Variants in ZCRB1 observed in about 807,000 individuals in gnomAD.
The protein encoded by ZCRB1 is zinc finger CCHC-type and RNA binding motif containing 1, also known as zinc finger CCHC-type and RNA-binding motif-containing protein 1.
A neutral mutation model predicts 29.9 loss-of-function variants in ZCRB1; 21 were observed. The ratio of observed to expected loss-of-function variants is 0.70; its 90% CI spans 0.50 to 1.01. The LOEUF is 1.01. Ranked by LOEUF, ZCRB1 falls within the 50% of genes least tolerant of loss-of-function variation. The pLI, the probability that ZCRB1 is intolerant of heterozygous loss-of-function variation, is 0.00. For synonymous variants in ZCRB1, 77 were observed against 80.0 expected (o/e 0.96, Z 0.20); for missense variants, 204 against 253.3 (o/e 0.81, Z 1.32).
chr12:42,321,221 C>T (rs1189096192), intron 3 of ZCRB1, among the ~76,000 whole-genome samples: 1 of 152,130 alleles, frequency 6.6e-6, no homozygotes, highest in Non-Finnish European at 1.5e-5. Context: ...ATTGCAGTTT[C>T]ATGGTTTAGG....
At chr12:42,318,598 C>T (rs2137530876) in intron 3 of ZCRB1, among the ~76,000 whole-genome samples, 1 of 152,288 alleles carries the variant, frequency 6.6e-6, no homozygotes, top group Middle Eastern at 3.4e-3. Context: ...GTCATGGAGG[C>T]CCTTGCCCAC....
At chr12:42,317,689 T>C (rs1592102653) in intron 4 of ZCRB1, 98 bp downstream of exon 4, 4 of 1,029,606 alleles carry the variant, frequency 3.9e-6, no homozygotes, top group Non-Finnish European at 4.4e-6. Context: ...TCTACTGATA[T>C]CTGCTAGACC....
At chr12:42,320,645 T>G (rs148486203) in intron 3 of ZCRB1, among the ~76,000 whole-genome samples, 2,443 of 151,938 alleles carry the variant, frequency 0.016, 73 homozygotes, top group African/African-American at 0.056. Context: ...ATGGGGTTTC[T>G]CCATGTTGGC....
chr12:42,314,013 G>T (rs751485391), intron 5 of ZCRB1, 27 bp from the exon 6 acceptor site: 5 of 1,569,752 alleles, frequency 3.2e-6, no homozygotes, highest in Non-Finnish European at 2.6e-6. Flanking sequence ...AAAAGGAAAG[G>T]AAAAATACCA....
Position 42,313,065 on chromosome 12 carries a change from T to C in ZCRB1, c.*2A>G. 3 of 1,590,138 alleles carry C rather than the reference T, an allele frequency of 1.9e-6. No homozygotes were observed. Among genetic ancestry groups the C allele is most frequent in the Non-Finnish European group, 2.6e-6 (3 of 1,170,824 alleles). ...TTTTTATTACTGTGCTGGGGCAAGA[T>C]TTTAATCACTAAGTTCTTCCTCATC... On this transcript the variant is annotated 3_prime_UTR_variant, in exon 8 of 8. Transcript: ENST00000266529.
rs2068575594 is a variant in ZCRB1, at chr12:42,312,746, A to G, written c.*321T>C. The G allele has an allele frequency of 6.3e-6, 1 of 159,892 alleles. No homozygotes were observed. The highest frequency in any genetic ancestry group is 2.4e-5 in the African/African-American group (1 of 41,776). 9.9% of individuals were successfully genotyped at this position (159,892 alleles called of 1,614,324 possible). On this transcript the variant is annotated 3_prime_UTR_variant, in exon 8 of 8. Transcript: ENST00000266529. ...AGATTGGGATAAAGCTACAAGAAAT[A>G]TGATGACAAAACACCCATATTTAAA...
In ZCRB1 at chr12:42,313,753, T is replaced by C; in HGVS notation, c.459A>G (p.Glu153=). Residue 153 remains glutamate (E), a synonymous_variant, in exon 7 of 8, where the codon GAA becomes GAG. Coordinates refer to ENST00000266529, the MANE Select transcript of ZCRB1 (RefSeq NM_033114.4). ...PEPEEEIEEV[E]ESEDEGEDPA... ...GATCCTCCCCTTCATCTTCACTTTCTTCTACTTCCTCACTTAAATAAAGAA... is the reference window on the plus strand; with the variant it reads ...GATCCTCCCCTTCATCTTCACTTTCCTCTACTTCCTCACTTAAATAAAGAA... The C allele has an allele frequency of 6.2e-7, 1 of 1,614,130 alleles. No individual in the cohort carries two copies. Among genetic ancestry groups the C allele is most frequent in the Non-Finnish European group, 8.5e-7 (1 of 1,180,008 alleles).
chr12:42,317,437 C>T lies in ZCRB1; in HGVS notation c.236G>A (p.Arg79Lys), dbSNP rs754691263. 3.1e-6 allele frequency: 5 copies of T among 1,604,888 alleles called. No individual in the cohort carries two copies. Among genetic ancestry groups the T allele is most frequent in the Non-Finnish European group, 4.2e-6 (5 of 1,177,082 alleles). The change falls in exon 5 of 8, where the codon AGA (arginine) becomes AAA (lysine). Residue 79 changes from arginine (R) to lysine (K), a missense_variant. Arg to Lys is a conservative substitution (Grantham distance 26, BLOSUM62 2). Transcript: ENST00000266529. ...RAINNKQLFG[R>K]VIKASIAIDN... ...AATAGCAATGCTTGCTTTTATCACT[C>T]TACCAAATAACTAAACAAGAGAAAA...
intron 5 of ZCRB1, among the ~76,000 whole-genome samples, chr12:42,316,083 GTATTT>G (rs1565691992): frequency 1.3e-5 from 2 of 151,798 alleles, no homozygotes; most frequent in African/African-American, 4.8e-5. Flanking sequence ...TGTTTTTTAA[GTATTT>G]TATTTTATGT....
intron 7 of ZCRB1, 68 bp from the exon 8 acceptor site, chr12:42,313,266 A>G: frequency 6.6e-7 from 1 of 1,512,450 alleles, no homozygotes; most frequent in Non-Finnish European, 8.9e-7. Context: ...TTAATTCAAA[A>G]CATGGCAAAA....
chr12:42,315,798 A>C (rs533633195), intron 5 of ZCRB1, among the ~76,000 whole-genome samples: 1 of 152,312 alleles, frequency 6.6e-6, no homozygotes, highest in African/African-American at 2.4e-5. Context: ...CAAAACTCAA[A>C]ACTTTGGAAA....
intron 5 of ZCRB1, among the ~76,000 whole-genome samples, chr12:42,315,165 A>AT (rs1465999144): frequency 6.6e-6 from 1 of 152,204 alleles, no homozygotes; most frequent in Non-Finnish European, 1.5e-5. Context: ...ACTTAGTAAC[A>AT]TACGTGGCTT....
chr12:42,313,839 C>CATG (rs1443180451), intron 6 of ZCRB1, 35 bp downstream of exon 6: 8 of 1,609,354 alleles, frequency 5.0e-6, no homozygotes, highest in Non-Finnish European at 6.8e-6. Flanking sequence ...ACAAAAGCAA[C>CATG]ATGATGATGT....
rs77703786 is a variant in ZCRB1, at chr12:42,318,227, A to C, written c.114-329T>G. Among the ~76,000 whole-genome samples, 1,094 of 152,304 alleles carry C rather than the reference A, an allele frequency of 7.2e-3. 43 individuals carry two copies. In the East Asian group the frequency reaches 0.09, roughly 13 times the overall value. ...CTCACCTTGCAAAACAAAACAAAAT[A>C]AAGGTATACTTTACACAAAAAGTAA... is the stretch of plus-strand genomic sequence containing the variant. On this transcript the variant is annotated intron_variant, in intron 3 of 7. Coordinates refer to ENST00000266529, the MANE Select transcript of ZCRB1 (RefSeq NM_033114.4).
chr12:42,321,652 T>C (rs961361194), intron 3 of ZCRB1, among the ~76,000 whole-genome samples: 1 of 152,210 alleles, frequency 6.6e-6, no homozygotes, highest in East Asian at 1.9e-4. Context: ...AATTTCAAGA[T>C]GCAAAAGAGC....
chr12:42,313,363 C>T (rs2068578648), intron 7 of ZCRB1, among the ~76,000 whole-genome samples, 165 bp from the exon 8 acceptor site: 1 of 152,140 alleles, frequency 6.6e-6, no homozygotes, highest in South Asian at 2.1e-4. Context: ...TGTCTCATCT[C>T]AAAATCTTAC....
intron 5 of ZCRB1, among the ~76,000 whole-genome samples, chr12:42,315,413 T>C (rs910359368): frequency 6.6e-6 from 1 of 152,188 alleles, no homozygotes; most frequent in Non-Finnish European, 1.5e-5. Context: ...GCACTTTGTA[T>C]ACCTAGGACA....
intron 1 of ZCRB1, 67 bp from the exon 2 acceptor site, chr12:42,324,171 G>A (rs1018642980): frequency 4.8e-6 from 7 of 1,455,288 alleles, no homozygotes; most frequent in Admixed American, 3.4e-5. Context: ...TGTTTGAGAC[G>A]GAGTTTCCCT....
At chr12:42,314,726 T>G (rs992027484) in intron 5 of ZCRB1, among the ~76,000 whole-genome samples, 1 of 152,116 alleles carries the variant, frequency 6.6e-6, no homozygotes, top group Non-Finnish European at 1.5e-5. Flanking sequence ...CTGAGGCAGG[T>G]GGGTCACCTT....
Sources: gnomAD v4.1 joint callset for allele counts (sites outside exome capture counted in the v4.1 genomes callset) on GRCh38, gnomAD v4.1.1 for gene constraint, MANE v1.5 for transcripts, NCBI Gene and HGNC (gene_info 2026-07-23, HGNC 2026-07-21) for gene names.